C12orf76: variants seen among roughly 807,000 people sequenced by gnomAD.
The protein encoded by C12orf76 is uncharacterized protein C12orf76.
C12orf76 carries 6 observed loss-of-function variants against 6.8 expected under a neutral mutation model. That is an observed-to-expected ratio of 0.88 (90% CI 0.48 to 1.73). The LOEUF is 1.73. Ranked by LOEUF, C12orf76 falls within the 40% of genes most tolerant of loss-of-function variation. The pLI is 0.01. For synonymous variants in C12orf76, 56 were observed against 43.7 expected, an observed-to-expected ratio of 1.28 and a Z score of -1.11; for missense variants, 99 against 98.2, an observed-to-expected ratio of 1.01 and a Z score of -0.03.
chr12:110,061,914 T>A lies in C12orf76; in HGVS notation n.381-2751A>T, dbSNP rs113388215. On this transcript the variant is annotated intron_variant and non_coding_transcript_variant, in intron 2 of 4. Coordinates refer to the C12orf76 transcript ENST00000309050. Reference sequence around the variant, plus strand: ...AATCTCAGCTCTACCACTTACTGGCTACACGACCTTGGACAAGTGACTTAA... The same window carrying A: ...AATCTCAGCTCTACCACTTACTGGCAACACGACCTTGGACAAGTGACTTAA... Among the ~76,000 whole-genome samples the A allele has an allele frequency of 2.6e-3, 394 of 152,268 alleles. 1 individual carries two copies. The highest frequency in any genetic ancestry group is 9.1e-3 in the African/African-American group (377 of 41,552).
rs746636629 is a variant in C12orf76 at position 110,042,378 on chromosome 12, C to T, written c.215G>A (p.Arg72Gln). ...ATTGAAGAACTTGTCTGGCTGTCAC[C>T]GACGCCGAATGGGCTTGTAGACACA... ...AFCVYKPIRR[R>Q] Residue 72 changes from arginine (R) to glutamine (Q), a missense_variant, in exon 2 of 2, where the codon CGG becomes CAG. Arg to Gln is a conservative substitution (Grantham distance 43). Transcript: ENST00000615315. 144 of 1,613,412 alleles carry T rather than the reference C, an allele frequency of 8.9e-5. 2 individuals carry two copies. Among genetic ancestry groups the T allele is most frequent in the South Asian group, 6.7e-4 (61 of 91,066 alleles).
intron 4 of C12orf76, among the ~76,000 whole-genome samples, chr12:110,055,150 A>G (rs1292702053): frequency 1.3e-5 from 2 of 152,168 alleles, no homozygotes; most frequent in African/African-American, 4.8e-5. Context: ...ATTGTCAAGA[A>G]AGATGTTGAG....
intron 2 of C12orf76, chr12:110,065,786 C>T (rs1217189453): frequency 1.2e-6 from 2 of 1,613,154 alleles, no homozygotes; most frequent in African/African-American, 1.3e-5. Flanking sequence ...CAGTGGCTTC[C>T]CATGGCACTG....
chr12:110,050,725 C>A, upstream of C12orf76: 1 of 467,100 alleles, frequency 2.1e-6, no homozygotes, highest in Non-Finnish European at 3.8e-6. Flanking sequence ...ATAAAAATGC[C>A]TAACCAGCAG....
upstream of C12orf76, among the ~76,000 whole-genome samples, chr12:110,052,545 T>C (rs2137225664): frequency 6.6e-6 from 1 of 152,316 alleles, no homozygotes; most frequent in Middle Eastern, 3.4e-3. Context: ...GTGCTCTACA[T>C]GCAACATCCC....
intron 1 of C12orf76, among the ~76,000 whole-genome samples, chr12:110,047,511 A>G (rs1358313607): frequency 2.0e-5 from 3 of 151,994 alleles, no homozygotes; most frequent in African/African-American, 7.3e-5. Flanking sequence ...TACAAAAAGT[A>G]AACAACAACA....
chr12:110,063,775 C>T (rs970407240), intron 2 of C12orf76, among the ~76,000 whole-genome samples: 1 of 151,470 alleles, frequency 6.6e-6, no homozygotes, highest in Non-Finnish European at 1.5e-5. Flanking sequence ...GGCATGATGA[C>T]GGGTGCCTAT....
At chr12:110,072,433 T>G (rs943265342), upstream of C12orf76, among the ~76,000 whole-genome samples, 2 of 151,864 alleles carry the variant, frequency 1.3e-5, no homozygotes, top group Non-Finnish European at 2.9e-5. Context: ...GAAAGCAGAT[T>G]CATGGGTGGG....
upstream of C12orf76, among the ~76,000 whole-genome samples, chr12:110,068,324 A>AGAAGAAGAAGAAGAAGAG: frequency 7.3e-6 from 1 of 137,274 alleles, no homozygotes; most frequent in South Asian, 2.3e-4. Flanking sequence ...AAGAAGAAGA[A>AGAAGAAGAAGAAGAAGAG]GAAGAAGGCG....
Position 110,042,116 on chromosome 12 carries a change from G to T in C12orf76, c.*258C>A. ...ACACTCCATCTTTACACTGACCTTT[G>T]GAGCTTTCAGGTCTTACTTTTAACA... On this transcript the variant is annotated 3_prime_UTR_variant, in exon 2 of 2. Transcript: ENST00000615315. The T allele has an allele frequency of 1.9e-6, 1 of 532,982 alleles. No homozygotes were observed. The highest frequency in any genetic ancestry group is 3.4e-6 in the Non-Finnish European group (1 of 295,036). The allele number at this position is 532,982 out of a possible 1,614,324, so 33.0% of individuals were successfully genotyped here.
chr12:110,065,908 A>G, exon 2 of C12orf76: 1 of 1,613,730 alleles, frequency 6.2e-7, no homozygotes, highest in Non-Finnish European at 8.5e-7. Context: ...GTGCTTCCAG[A>G]TCTTTGCATT....
At chr12:110,064,319 C>T (rs1892825047) in intron 2 of C12orf76, among the ~76,000 whole-genome samples, 1 of 152,184 alleles carries the variant, frequency 6.6e-6, no homozygotes, top group South Asian at 2.1e-4. Context: ...TGCAAGGGAA[C>T]CTGGGACATT....
At chr12:110,068,873 C>G (rs568352588), upstream of C12orf76, among the ~76,000 whole-genome samples, 1 of 152,188 alleles carries the variant, frequency 6.6e-6, no homozygotes, top group East Asian at 1.9e-4. Context: ...AAACTACTTC[C>G]GCCAATCCCT....
Position 110,042,377 on chromosome 12 carries a change from C to G in C12orf76, c.216G>C (p.Arg72=). The G allele has an allele frequency of 6.2e-7, 1 of 1,613,566 alleles. No homozygotes were observed. Among genetic ancestry groups the G allele is most frequent in the Non-Finnish European group, 8.5e-7 (1 of 1,179,460 alleles). The part of the protein sequence containing the change: ...AFCVYKPIRR[R] The stretch of plus-strand genomic sequence containing the variant: ...CATTGAAGAACTTGTCTGGCTGTCA[C>G]CGACGCCGAATGGGCTTGTAGACAC... The change falls in exon 2 of 2, where the codon CGG becomes CGC. Residue 72 remains arginine, a synonymous_variant. Coordinates refer to ENST00000615315, the MANE Select transcript of C12orf76 (RefSeq NM_001389625.1).
intron 2 of C12orf76, among the ~76,000 whole-genome samples, chr12:110,061,484 T>G (rs1186947161): frequency 6.6e-6 from 1 of 151,988 alleles, no homozygotes; most frequent in Non-Finnish European, 1.5e-5. Flanking sequence ...ATGGTCTCCT[T>G]TCCTCCAGTC....
Position 110,057,330 on chromosome 12 carries a change from C to A in C12orf76, n.557-34G>T, listed in dbSNP as rs373905277. Reference sequence around the variant, plus strand: ...CCAGAGCAAAAGTAACACCAAAGGGCTGAGCCTCCAAAGTGAACTGCCCTC... The same window carrying A: ...CCAGAGCAAAAGTAACACCAAAGGGATGAGCCTCCAAAGTGAACTGCCCTC... On this transcript the variant is annotated intron_variant and non_coding_transcript_variant, in intron 3 of 4. Coordinates refer to the C12orf76 transcript ENST00000309050. The A allele has an allele frequency of 2.1e-5, 30 of 1,450,294 alleles. No individual in the cohort carries two copies. The African/African-American group carries it at 4.2e-4, about 20-fold the overall frequency. The allele number at this position is 1,450,294 out of a possible 1,614,324, so 89.8% of individuals were successfully genotyped here.
In C12orf76 at chr12:110,062,089, C is replaced by T. The variant is rs935795316; in HGVS notation, n.381-2926G>A. ...GACCAGTTTGGCCAACGTGGTAAGA[C>T]CCCCTCTCTACTAAAACTACAAAAA... is the stretch of plus-strand genomic sequence containing the variant. On this transcript the variant is annotated intron_variant and non_coding_transcript_variant, in intron 2 of 4. Coordinates refer to the C12orf76 transcript ENST00000309050. 2.0e-5 allele frequency among the ~76,000 whole-genome samples: 3 copies of T among 151,968 alleles called. No homozygotes were observed. The East Asian group carries it at 5.9e-4, about 30-fold the overall frequency.
chr12:110,048,639 C>T (rs1041845946), upstream of C12orf76: 1 of 1,290,372 alleles, frequency 7.7e-7, no homozygotes, highest in Admixed American at 4.1e-5. Context: ...CTAAGTTCCG[C>T]TTCTGCCTAA....
intron 1 of C12orf76, chr12:110,044,071 A>G (rs1892386766): frequency 6.6e-6 from 1 of 152,046 alleles, no homozygotes; most frequent in South Asian, 2.1e-4. Context: ...AACCTGTCAG[A>G]GGTTTCTTCA....
Sources: gnomAD v4.1 joint callset for allele counts (sites outside exome capture counted in the v4.1 genomes callset) on GRCh38, gnomAD v4.1.1 for gene constraint, MANE v1.5 for transcripts, NCBI Gene and HGNC (gene_info 2026-07-23, HGNC 2026-07-21) for gene names.